NFASC: variants seen among roughly 807,000 people sequenced by gnomAD.
NFASC encodes the protein neurofascin.
NFASC carries 43 observed loss-of-function variants against 147.5 expected under a neutral mutation model. The ratio of observed to expected loss-of-function variants is 0.29; its 90% CI spans 0.23 to 0.38. NFASC has a LOEUF of 0.38. Ranked by LOEUF, NFASC falls within the 10% of genes least tolerant of loss-of-function variation. The pLI is 1.00. For synonymous variants in NFASC, 622 were observed against 665.5 expected, an observed-to-expected ratio of 0.93 and a Z score of 1.01; for missense variants, 1,320 against 1,689.0, an observed-to-expected ratio of 0.78 and a Z score of 3.83.
intron 28 of NFASC, among the ~76,000 whole-genome samples, chr1:205,011,740 G>T (rs1574502960): frequency 1.3e-5 from 2 of 152,268 alleles, no homozygotes; most frequent in East Asian, 3.9e-4. Context: ...CAACGGTTCG[G>T]TTTCCCTCAT....
chr1:204,991,373 A>G, intron 24 of NFASC, 67 bp downstream of exon 24: 1 of 1,538,900 alleles, frequency 6.5e-7, no homozygotes, highest in Non-Finnish European at 8.9e-7. Context: ...CAGCCCAGCC[A>G]GGGCGGACAA....
chr1:205,013,174 C>T (rs2096283705), intron 29 of NFASC, among the ~76,000 whole-genome samples: 1 of 152,214 alleles, frequency 6.6e-6, no homozygotes, highest in Non-Finnish European at 1.5e-5. Context: ...ATGTATCAAG[C>T]TTGCTATGTA....
intron 7 of NFASC, among the ~76,000 whole-genome samples, chr1:204,955,936 T>G (rs2094402923): frequency 6.6e-6 from 1 of 152,190 alleles, no homozygotes; most frequent in Non-Finnish European, 1.5e-5. Context: ...GAGGATGGCT[T>G]TGTGCTCAAT....
At chr1:205,012,519 A>T (rs1417590289) in intron 28 of NFASC, among the ~76,000 whole-genome samples, 1 of 152,300 alleles carries the variant, frequency 6.6e-6, no homozygotes, top group South Asian at 2.1e-4. Context: ...GGGAGACTTC[A>T]TGGAGATGTG....
chr1:205,014,971 C>A (rs1195803275), intron 29 of NFASC, among the ~76,000 whole-genome samples: 1 of 152,186 alleles, frequency 6.6e-6, no homozygotes, highest in Non-Finnish European at 1.5e-5. Context: ...CTGCCTCCCT[C>A]ACACCATCTC....
In NFASC at chr1:204,828,789, G is replaced by A; in HGVS notation, c.-200+7G>A. ...GGAGCCCGAGCCCTTGGAGGTAGGC[G>A]AGCGCGAACACCGGAGAGATGGGGG... On this transcript the variant is annotated splice_region_variant and intron_variant, in intron 1 of 29. Transcript: ENST00000339876. The A allele has an allele frequency of 1.0e-6, 1 of 985,306 alleles. No individual in the cohort carries two copies. Among genetic ancestry groups the A allele is most frequent in the Non-Finnish European group, 1.2e-6 (1 of 829,924 alleles). The allele number at this position is 985,306 out of a possible 1,614,324, so 61.0% of individuals were successfully genotyped here.
chr1:204,952,168 C>G (rs1242611446), intron 5 of NFASC, 52 bp downstream of exon 5: 2 of 1,367,972 alleles, frequency 1.5e-6, no homozygotes, highest in Non-Finnish European at 2.1e-6. Flanking sequence ...GCCTCTGGGC[C>G]TGATGATAAC....
intron 2 of NFASC, among the ~76,000 whole-genome samples, chr1:204,922,062 C>T (rs114877009): frequency 9.2e-5 from 14 of 152,220 alleles, no homozygotes; most frequent in African/African-American, 3.1e-4. Context: ...TTTTACTACA[C>T]GTGGAGGAGT....
At chr1:204,881,168 G>A (rs939199409) in intron 1 of NFASC, among the ~76,000 whole-genome samples, 1 of 152,186 alleles carries the variant, frequency 6.6e-6, no homozygotes, top group African/African-American at 2.4e-5. Flanking sequence ...TGGCAGGCAG[G>A]GACCGGCTTT....
At chr1:204,971,165 C>T (rs1180322153) in intron 11 of NFASC, among the ~76,000 whole-genome samples, 1 of 152,140 alleles carries the variant, frequency 6.6e-6, no homozygotes, top group Non-Finnish European at 1.5e-5. Flanking sequence ...AAGTTCCGCT[C>T]TCTGCTAAGG....
intron 2 of NFASC, among the ~76,000 whole-genome samples, chr1:204,932,465 C>T (rs567217062): frequency 1.1e-3 from 173 of 151,978 alleles, no homozygotes; most frequent in South Asian, 7.7e-3. Flanking sequence ...GAACAGGACA[C>T]GGTGTCAGCC....
intron 2 of NFASC, among the ~76,000 whole-genome samples, chr1:204,927,010 G>A (rs551759805): frequency 6.6e-6 from 1 of 152,244 alleles, no homozygotes; most frequent in African/African-American, 2.4e-5. Context: ...TGGAGGCAGA[G>A]GTTGCAGTGA....
rs565024228 is a variant in NFASC at position 204,994,313 on chromosome 1, G to A, written c.2783-2857G>A. ...GGCCATCAGGGGAGGGGACAATGCA[G>A]TGTAGAAACATCTTCAGAGCCATCT... On this transcript the variant is annotated intron_variant, in intron 24 of 29. Coordinates refer to ENST00000339876, the MANE Select transcript of NFASC (RefSeq NM_001005388.3). 2.0e-4 allele frequency among the ~76,000 whole-genome samples: 30 copies of A among 152,340 alleles called. 1 individual carries two copies. In the South Asian group the frequency reaches 6.2e-3, roughly 32 times the overall value.
rs1459426650 is a variant in NFASC at position 204,848,060 on chromosome 1, C to T, written c.-200+19278C>T. 2.0e-5 allele frequency among the ~76,000 whole-genome samples: 3 copies of T among 152,176 alleles called. No homozygotes were observed. The East Asian group carries it at 5.8e-4, about 29-fold the overall frequency. The stretch of plus-strand genomic sequence containing the variant: ...GTACTGGAAACAGTGATAATTCCCC[C>T]ATTTCCCAGCAGGAAACACTGAGAC... On this transcript the variant is annotated intron_variant, in intron 1 of 29. Transcript: ENST00000339876.
intron 1 of NFASC, among the ~76,000 whole-genome samples, chr1:204,852,887 C>T (rs556419653): frequency 7.9e-5 from 12 of 152,210 alleles, no homozygotes; most frequent in South Asian, 4.2e-4. Flanking sequence ...GTTTTGGGGA[C>T]GGGGGCAGTG....
At chr1:204,956,481 T>G (rs1258159785) in intron 7 of NFASC, among the ~76,000 whole-genome samples, 1 of 152,248 alleles carries the variant, frequency 6.6e-6, no homozygotes, top group Admixed American at 6.5e-5. Flanking sequence ...GTATAAGATA[T>G]GCAGGCTTCA....
chr1:204,975,518 C>A lies in NFASC; in HGVS notation c.1706+100C>A. 3 of 1,456,314 alleles carry A rather than the reference C, an allele frequency of 2.1e-6. No homozygotes were observed. Among genetic ancestry groups the A allele is most frequent in the Non-Finnish European group, 2.8e-6 (3 of 1,061,080 alleles). The allele number at this position is 1,456,314 out of a possible 1,614,324, so 90.2% of individuals were successfully genotyped here. A position where few individuals can be genotyped will look rare whatever the true frequency, so the allele number is the denominator to read the frequency against. On this transcript the variant is annotated intron_variant, in intron 15 of 29. Transcript: ENST00000339876. The surrounding 1 kb of genome is among the most constrained non-coding windows in gnomAD (Gnocchi z 4.0). ...TGGAAGAACACAGGGACAGGGAACC[C>A]GTGTCATGCATGTCACCAAGGAGCT... is the stretch of plus-strand genomic sequence containing the variant.
chr1:205,000,178 A>G (rs2095944339), intron 25 of NFASC: 1 of 152,146 alleles, frequency 6.6e-6, no homozygotes, highest in African/African-American at 2.4e-5. Flanking sequence ...ACAGAACAGG[A>G]TTCTTCTGGT....
At chr1:204,984,521 T>C (rs1370452181) in intron 21 of NFASC, among the ~76,000 whole-genome samples, 2 of 151,924 alleles carry the variant, frequency 1.3e-5, no homozygotes, top group South Asian at 2.1e-4. Context: ...TTGGAATACA[T>C]GCGTGAGTGG....
Sources: gnomAD v4.1 joint callset for allele counts (sites outside exome capture counted in the v4.1 genomes callset) on GRCh38, gnomAD v4.1.1 for gene constraint, Gnocchi (gnomAD v3.1) non-coding constraint, MANE v1.5 for transcripts, NCBI Gene and HGNC (gene_info 2026-07-23, HGNC 2026-07-21) for gene names.